The following CTTNBP2 variants were observed in gnomAD, a reference collection of about 807,000 sequenced individuals.
CTTNBP2 encodes the protein cortactin binding protein 2, also known as cortactin-binding protein 2.
Under a neutral mutation model 156.9 loss-of-function variants are expected in CTTNBP2, and 108 were observed. The ratio of observed to expected loss-of-function variants is 0.69; its 90% CI spans 0.59 to 0.81. CTTNBP2 has a LOEUF of 0.81. CTTNBP2 is among the 30% of genes least tolerant of loss of function. CTTNBP2 has a pLI of 0.00. For synonymous variants in CTTNBP2, 767 were observed against 751.8 expected, an observed-to-expected ratio of 1.02 and a Z score of -0.33; for missense variants, 1,924 against 2,035.4, an observed-to-expected ratio of 0.95 and a Z score of 1.05.
In CTTNBP2 at chr7:117,820,731, G is replaced by A. The variant is rs553220735; in HGVS notation, c.190-9742C>T. 7.2e-4 allele frequency among the ~76,000 whole-genome samples: 110 copies of A among 152,296 alleles called. 2 individuals carry two copies. The highest frequency in any genetic ancestry group is 6.0e-3 in the South Asian group (29 of 4,826). On this transcript the variant is annotated intron_variant, in intron 2 of 22. Transcript: ENST00000160373. ...CTTTATTCTATTCCATGAGGTATATGTAGGTTTCGTTGCTTTATAATAAGT... is the reference window on the plus strand; with the variant it reads ...CTTTATTCTATTCCATGAGGTATATATAGGTTTCGTTGCTTTATAATAAGT...
intron 14 of CTTNBP2, among the ~76,000 whole-genome samples, chr7:117,741,707 T>G (rs1001232110): frequency 3.3e-5 from 5 of 152,220 alleles, no homozygotes; most frequent in Non-Finnish European, 5.9e-5. Flanking sequence ...AGTCTATTGT[T>G]CAAACACTTC....
intron 8 of CTTNBP2, among the ~76,000 whole-genome samples, chr7:117,774,684 T>TG (rs1406143514): frequency 1.4e-5 from 2 of 142,580 alleles, no homozygotes; most frequent in Non-Finnish European, 3.0e-5. Context: ...CCAAAAAGGT[T>TG]GGGGGCCACT....
intron 2 of CTTNBP2, among the ~76,000 whole-genome samples, chr7:117,817,359 A>ATATATATATATATATATAT (rs1317732791): frequency 5.8e-5 from 2 of 34,192 alleles, no homozygotes; most frequent in African/African-American, 1.0e-4. Flanking sequence ...AAAAAAAAAA[A>ATATATATATATATATATAT]AAATATATAT....
intron 2 of CTTNBP2, 83 bp downstream of exon 2, chr7:117,861,126 A>T (rs1803707136): frequency 1.3e-6 from 1 of 787,984 alleles, no homozygotes; most frequent in Admixed American, 2.7e-5. Flanking sequence ...TGATTCAAAA[A>T]TTAAGAAAAA....
At chr7:117,802,064 C>A (rs574442773) in intron 3 of CTTNBP2, among the ~76,000 whole-genome samples, 4 of 119,242 alleles carry the variant, frequency 3.4e-5, no homozygotes, top group Admixed American at 9.0e-5. Flanking sequence ...CCCCTCCCCC[C>A]ACCCCACCAC....
chr7:117,840,338 T>C (rs1383376675), intron 2 of CTTNBP2, among the ~76,000 whole-genome samples: 1 of 151,762 alleles, frequency 6.6e-6, no homozygotes, highest in Non-Finnish European at 1.5e-5. Context: ...CAAGTTGGGG[T>C]CAGGCAAATA....
chr7:117,862,610 C>T (rs529970722), intron 1 of CTTNBP2, among the ~76,000 whole-genome samples: 1 of 152,284 alleles, frequency 6.6e-6, no homozygotes, highest in Admixed American at 6.5e-5. Context: ...TCTGCTCCTC[C>T]CTTCTGTACA....
intron 2 of CTTNBP2, among the ~76,000 whole-genome samples, chr7:117,846,093 C>T (rs896607963): frequency 1.1e-4 from 16 of 152,148 alleles, no homozygotes; most frequent in Middle Eastern, 3.4e-3. Context: ...CCTCGTGATC[C>T]GCCCGCCTCA....
At chr7:117,717,950 A>G (rs1794538867) in intron 22 of CTTNBP2, 68 bp downstream of exon 22, 1 of 968,256 alleles carries the variant, frequency 1.0e-6, no homozygotes, top group Non-Finnish European at 1.7e-6. Flanking sequence ...TCACACTGAA[A>G]GATGATTTGT....
chr7:117,745,841 G>A lies in CTTNBP2; in HGVS notation c.3525C>T (p.Phe1175=). 6.2e-7 allele frequency: 1 copy of A among 1,610,322 alleles called. No individual in the cohort carries two copies. Among genetic ancestry groups the A allele is most frequent in the Non-Finnish European group, 8.5e-7 (1 of 1,176,568 alleles). ...CTGAAATGTTCTTACCGCTACTAAT[G>A]AACAGGTCTAGTAGCTGTTCCTTGG... ...GFSKEQLLDL[F]ISSACLIPVK... The change falls in exon 14 of 23, where the codon TTC becomes TTT. Residue 1175 remains phenylalanine, a synonymous_variant. Coordinates refer to ENST00000160373, the MANE Select transcript of CTTNBP2 (RefSeq NM_033427.3).
chr7:117,752,570 CAG>C (rs1300777338), intron 12 of CTTNBP2, among the ~76,000 whole-genome samples: 3 of 152,058 alleles, frequency 2.0e-5, no homozygotes, highest in African/African-American at 4.8e-5. Flanking sequence ...AAAACAGAAA[CAG>C]AAACAGAATC....
At chr7:117,787,074 A>T (rs1798741136) in intron 4 of CTTNBP2, among the ~76,000 whole-genome samples, 1 of 152,232 alleles carries the variant, frequency 6.6e-6, no homozygotes, top group Non-Finnish European at 1.5e-5. Context: ...AATGTTGTCT[A>T]GCATAGACAA....
intron 1 of CTTNBP2, among the ~76,000 whole-genome samples, chr7:117,867,804 A>G (rs932364979): frequency 6.6e-6 from 1 of 152,218 alleles, no homozygotes; most frequent in African/African-American, 2.4e-5. Flanking sequence ...ATTTGGTGTC[A>G]GCTCTCCAAG....
intron 3 of CTTNBP2, among the ~76,000 whole-genome samples, chr7:117,805,139 A>C (rs1348873451): frequency 2.0e-5 from 3 of 152,184 alleles, no homozygotes; most frequent in Admixed American, 2.0e-4. Flanking sequence ...TTTTGATCCA[A>C]TATCATATAG....
chr7:117,744,969 C>G (rs1796242168), intron 14 of CTTNBP2, among the ~76,000 whole-genome samples: 1 of 152,196 alleles, frequency 6.6e-6, no homozygotes, highest in African/African-American at 2.4e-5. Flanking sequence ...CTTCTCCAAT[C>G]TTACAACTGC....
intron 3 of CTTNBP2, among the ~76,000 whole-genome samples, chr7:117,803,127 CCT>C (rs1261103360): frequency 4.5e-4 from 69 of 152,254 alleles, no homozygotes; most frequent in Non-Finnish European, 5.9e-5. Flanking sequence ...ATGGAATCAA[CCT>C]AGGTGCCCAT....
chr7:117,712,562 T>C (rs1794118767), intron 22 of CTTNBP2, among the ~76,000 whole-genome samples: 1 of 152,220 alleles, frequency 6.6e-6, no homozygotes, highest in Non-Finnish European at 1.5e-5. Context: ...TGAATGCCTC[T>C]GAAGGAGTTG....
At chr7:117,749,702 T>A (rs1388312802) in intron 12 of CTTNBP2, among the ~76,000 whole-genome samples, 1 of 147,182 alleles carries the variant, frequency 6.8e-6, no homozygotes, top group Admixed American at 6.7e-5. Context: ...GGTATAAATC[T>A]TTTTTTATTT....
Position 117,802,224 on chromosome 7 carries a change from A to G in CTTNBP2, c.414+8541T>C, listed in dbSNP as rs183945001. Among the ~76,000 whole-genome samples the G allele has an allele frequency of 2.2e-3, 333 of 152,086 alleles. 1 individual carries two copies. Among genetic ancestry groups the G allele is most frequent in the African/African-American group, 7.7e-3 (320 of 41,514 alleles). On this transcript the variant is annotated intron_variant, in intron 3 of 22. Transcript: ENST00000160373. ...TTCAATACAGGAAAATTACAATTAT[A>G]TAAGAAACAGATATAGTAATCACTT...
Sources: gnomAD v4.1 joint callset for allele counts (sites outside exome capture counted in the v4.1 genomes callset) on GRCh38, gnomAD v4.1.1 for gene constraint, MANE v1.5 for transcripts, NCBI Gene and HGNC (gene_info 2026-07-23, HGNC 2026-07-21) for gene names.